INPP4A: variants seen among roughly 807,000 people sequenced by gnomAD.
The protein encoded by INPP4A is inositol polyphosphate-4-phosphatase, type I, 107kD.
INPP4A carries 33 observed loss-of-function variants against 119.8 expected under a neutral mutation model. That is an observed-to-expected ratio of 0.28 (90% confidence interval 0.21 to 0.37). The LOEUF (loss-of-function observed/expected upper bound fraction) is 0.37, where lower values mean the gene tolerates loss of function less well. Ranked by LOEUF, INPP4A falls within the 10% of genes least tolerant of loss-of-function variation. INPP4A has a pLI of 1.00. For synonymous variants in INPP4A, 496 were observed against 500.7 expected, an observed-to-expected ratio of 0.99 and a Z score of 0.12; for missense variants, 956 against 1,289.9, an observed-to-expected ratio of 0.74 and a Z score of 3.97.
intron 2 of INPP4A, 88 bp from the exon 3 acceptor site, chr2:98,519,858 C>T (rs1336842405): frequency 1.7e-6 from 1 of 584,684 alleles, no homozygotes; most frequent in African/African-American, 1.9e-5. Flanking sequence ...TGTACCTCGC[C>T]CCCGGTAGGT....
Position 98,546,741 on chromosome 2 carries a change from CTTCTT to C in INPP4A, c.1163+52_1163+56del. On this transcript the variant is annotated intron_variant, in intron 13 of 24. Transcript: ENST00000409851. The surrounding 1 kb of genome is among the most constrained non-coding windows in gnomAD (Gnocchi z 4.2). ...GTGGTCCTTGTACAGCTTTCTGATG[CTTCTT>C]TTCTCAGTTTAAAATAAAATCAAAA... is the stretch of plus-strand genomic sequence containing the variant. 8.9e-7 allele frequency: 1 copy of C among 1,128,840 alleles called. No individual in the cohort carries two copies. The highest frequency in any genetic ancestry group is 1.3e-6 in the Non-Finnish European group (1 of 746,262). The allele number at this position is 1,128,840 out of a possible 1,614,324, so 69.9% of individuals were successfully genotyped here.
At chr2:98,563,875 G>T (rs1239429073) in intron 18 of INPP4A, among the ~76,000 whole-genome samples, 1 of 151,406 alleles carries the variant, frequency 6.6e-6, no homozygotes, top group Admixed American at 6.6e-5. Context: ...AGAGTCTGCC[G>T]ATTCTGCACC....
intron 18 of INPP4A, among the ~76,000 whole-genome samples, chr2:98,563,937 T>G (rs1233529506): frequency 2.0e-5 from 3 of 150,440 alleles, no homozygotes; most frequent in South Asian, 4.2e-4. Context: ...TGCTGCGTTT[T>G]TTTTTTTTTT....
At chr2:98,533,527 G>A (rs746910557) in intron 5 of INPP4A, 32 bp downstream of exon 5, 3 of 1,291,238 alleles carry the variant, frequency 2.3e-6, no homozygotes, top group Non-Finnish European at 3.4e-6. Context: ...CTGAGGGGCT[G>A]TGGGACATGC....
At chr2:98,531,421 C>A (rs886370238) in intron 4 of INPP4A, among the ~76,000 whole-genome samples, 2 of 152,076 alleles carry the variant, frequency 1.3e-5, no homozygotes, top group African/African-American at 4.8e-5. Flanking sequence ...AGTGAGAGGT[C>A]TAATGTTACA....
At chr2:98,472,037 A>G (rs1676134433) in intron 1 of INPP4A, among the ~76,000 whole-genome samples, 1 of 152,220 alleles carries the variant, frequency 6.6e-6, no homozygotes, top group South Asian at 2.1e-4. Context: ...GTAGGAATCA[A>G]GAGTTTCAGC....
chr2:98,550,602 C>T (rs1438545259), intron 13 of INPP4A, among the ~76,000 whole-genome samples: 1 of 152,198 alleles, frequency 6.6e-6, no homozygotes, highest in African/African-American at 2.4e-5. Context: ...TGCCCCTAGG[C>T]TTCATGTCTA....
intron 1 of INPP4A, among the ~76,000 whole-genome samples, chr2:98,479,483 T>C (rs1677959123): frequency 6.6e-6 from 1 of 152,150 alleles, no homozygotes; most frequent in Non-Finnish European, 1.5e-5. Flanking sequence ...AGCAGCTTGC[T>C]CCAGCCATGG....
chr2:98,556,557 C>T (rs1479815117), intron 16 of INPP4A, among the ~76,000 whole-genome samples: 1 of 152,248 alleles, frequency 6.6e-6, no homozygotes, highest in Admixed American at 6.5e-5. Context: ...CATAGAGTTA[C>T]AAGCTAGGCA....
At chr2:98,555,453 A>T (rs1694281301) in intron 15 of INPP4A, 100 bp from the exon 16 acceptor site, 3 of 1,274,852 alleles carry the variant, frequency 2.4e-6, no homozygotes, top group Non-Finnish European at 3.3e-6. Context: ...ACAAGTGTGG[A>T]AGCCTAGGGC....
chr2:98,580,385 C>T (rs1309042310), intron 24 of INPP4A, among the ~76,000 whole-genome samples: 2 of 152,230 alleles, frequency 1.3e-5, no homozygotes, highest in Admixed American at 1.3e-4. Flanking sequence ...TAATGTTTGC[C>T]ATTTCTGTGG....
At chr2:98,548,415 G>A (rs962564965) in intron 13 of INPP4A, among the ~76,000 whole-genome samples, 3 of 152,172 alleles carry the variant, frequency 2.0e-5, no homozygotes, top group Non-Finnish European at 4.4e-5. Flanking sequence ...GCCAGAAAGC[G>A]TGTCTGTCGC....
At chr2:98,461,485 A>T (rs1160094593) in intron 1 of INPP4A, among the ~76,000 whole-genome samples, 1 of 152,194 alleles carries the variant, frequency 6.6e-6, no homozygotes, top group Non-Finnish European at 1.5e-5. Context: ...TCTCTTGGAG[A>T]GACTTCTCAA....
chr2:98,445,622 C>T (rs565124196), intron 1 of INPP4A, among the ~76,000 whole-genome samples: 2 of 152,304 alleles, frequency 1.3e-5, no homozygotes, highest in Non-Finnish European at 2.9e-5. Flanking sequence ...GAGAAATGTG[C>T]AGGGATCTGT....
Position 98,570,426 on chromosome 2 carries a change from T to C in INPP4A, c.2518+1758T>C, listed in dbSNP as rs976378218. ...GAGGGTGTGGGGCGCTGCCGGACAC[T>C]GGATGTGTGGACAAGGAGCTGCTGG... On this transcript the variant is annotated intron_variant, in intron 22 of 24. Coordinates refer to ENST00000409851, the MANE Select transcript of INPP4A (RefSeq NM_001134225.2). The surrounding 1 kb of genome is among the most constrained non-coding windows in gnomAD (Gnocchi z 4.3). Among the ~76,000 whole-genome samples the C allele has an allele frequency of 6.6e-6, 1 of 152,066 alleles. No individual in the cohort carries two copies. Among genetic ancestry groups the C allele is most frequent in the Non-Finnish European group, 1.5e-5 (1 of 67,984 alleles).
chr2:98,503,785 C>A (rs1369592581), intron 1 of INPP4A, among the ~76,000 whole-genome samples: 7 of 152,212 alleles, frequency 4.6e-5, no homozygotes, highest in Non-Finnish European at 1.0e-4. Context: ...GACAGAGACT[C>A]CTTCTCCTGC....
chr2:98,479,623 T>G (rs1194473579), intron 1 of INPP4A, among the ~76,000 whole-genome samples: 1 of 152,148 alleles, frequency 6.6e-6, no homozygotes, highest in East Asian at 1.9e-4. Context: ...ACAGAAAGTG[T>G]GGTCAGGTGC....
chr2:98,466,149 G>A (rs1334436375), intron 1 of INPP4A, among the ~76,000 whole-genome samples: 1 of 152,150 alleles, frequency 6.6e-6, no homozygotes, highest in Non-Finnish European at 1.5e-5. Context: ...GGATTCAAGC[G>A]ATTCTCCTGC....
In INPP4A at chr2:98,568,232, C is replaced by G. The variant is rs549000080; in HGVS notation, c.2421-339C>G. 2.6e-5 allele frequency among the ~76,000 whole-genome samples: 4 copies of G among 152,110 alleles called. No individual in the cohort carries two copies. The East Asian group carries it at 5.8e-4, about 22-fold the overall frequency. ...TCAGCCATACCTCACTGCCGTCCCC[C>G]CTCCTAAGTGCCTCAGATGGGAGGA... On this transcript the variant is annotated intron_variant, in intron 21 of 24. Coordinates refer to ENST00000409851, the MANE Select transcript of INPP4A (RefSeq NM_001134225.2).
Sources: gnomAD v4.1 joint callset for allele counts (sites outside exome capture counted in the v4.1 genomes callset) on GRCh38, gnomAD v4.1.1 for gene constraint, Gnocchi (gnomAD v3.1) non-coding constraint, MANE v1.5 for transcripts, NCBI Gene and HGNC (gene_info 2026-07-23, HGNC 2026-07-21) for gene names.